The following FAM135B variants were observed in gnomAD, a reference collection of about 807,000 sequenced individuals.
The protein encoded by FAM135B is protein FAM135B.
In FAM135B, 43 loss-of-function variants were observed where a neutral mutation model predicts 127.7. The ratio of observed to expected loss-of-function variants is 0.34; its 90% CI spans 0.26 to 0.43. FAM135B has a LOEUF of 0.43. Ranked by LOEUF, FAM135B falls within the 20% of genes least tolerant of loss-of-function variation. The pLI is 1.00. For synonymous variants in FAM135B, 670 were observed against 665.1 expected, an observed-to-expected ratio of 1.01 and a Z score of -0.11; for missense variants, 1,558 against 1,725.6, an observed-to-expected ratio of 0.90 and a Z score of 1.72.
chr8:138,193,342 G>A (rs937196061), intron 9 of FAM135B, among the ~76,000 whole-genome samples: 2 of 152,190 alleles, frequency 1.3e-5, no homozygotes, highest in Non-Finnish European at 2.9e-5. Flanking sequence ...GGTGATGCTG[G>A]TGCTATGGTG....
At position 138,153,069 on chromosome 8, in the gene FAM135B, T is replaced by C. The variant is rs941587942; in HGVS notation, c.1406A>G (p.Gln469Arg). 6.2e-7 allele frequency: 1 copy of C among 1,614,100 alleles called. No individual in the cohort carries two copies. The highest frequency in any genetic ancestry group is 8.5e-7 in the Non-Finnish European group (1 of 1,180,040). ...DLVLSTIKPS[Q>R]MDSDEEVIRC... Reference sequence around the variant, plus strand: ...TATAACTTCTTCATCAGAATCCATTTGGGATGGTTTTATGGTAGACAAGAC... The same window carrying C: ...TATAACTTCTTCATCAGAATCCATTCGGGATGGTTTTATGGTAGACAAGAC... Residue 469 changes from glutamine (Q) to arginine (R), a missense_variant, in exon 13 of 20, where the codon CAA (glutamine) becomes CGA (arginine). By Grantham distance (43) the Gln-to-Arg change is conservative (BLOSUM62 1). Around this residue, in one of 5 missense-constraint regions of FAM135B, gnomAD observed 923 missense variants for 865.3 expected, o/e 1.07. Coordinates refer to ENST00000395297, the MANE Select transcript of FAM135B (RefSeq NM_015912.4).
intron 11 of FAM135B, among the ~76,000 whole-genome samples, chr8:138,173,301 T>C (rs1317913548): frequency 6.6e-6 from 1 of 152,164 alleles, no homozygotes; most frequent in Admixed American, 6.5e-5. Flanking sequence ...ACTTCTGTTT[T>C]AGAGGTTCAA....
rs1817812704 is a variant in FAM135B at position 138,207,726 on chromosome 8, T to A, written c.670-10057A>T. On this transcript the variant is annotated intron_variant, in intron 7 of 19. Coordinates refer to ENST00000395297, the MANE Select transcript of FAM135B (RefSeq NM_015912.4). ...CACGGAGGGACACCCATTAGCATAATAATCCTGGCCTTTCTCTGCCCATTT... is the reference window on the plus strand; with the variant it reads ...CACGGAGGGACACCCATTAGCATAAAAATCCTGGCCTTTCTCTGCCCATTT... Among the ~76,000 whole-genome samples, 4 of 152,284 alleles carry A rather than the reference T, an allele frequency of 2.6e-5. No individual in the cohort carries two copies. In the South Asian group the frequency reaches 6.2e-4, roughly 24 times the overall value.
intron 1 of FAM135B, among the ~76,000 whole-genome samples, chr8:138,472,865 C>T (rs924556932): frequency 1.3e-5 from 2 of 152,218 alleles, no homozygotes; most frequent in African/African-American, 4.8e-5. Flanking sequence ...AATGCAGATG[C>T]ATTGATTGAC....
intron 1 of FAM135B, among the ~76,000 whole-genome samples, chr8:138,423,131 AG>A (rs1172974228): frequency 6.6e-6 from 1 of 152,132 alleles, no homozygotes; most frequent in Non-Finnish European, 1.5e-5. Context: ...AGAGAGTGGG[AG>A]GGGGGTGAGG....
chr8:138,341,443 G>T (rs1829040300), intron 2 of FAM135B, among the ~76,000 whole-genome samples: 1 of 152,202 alleles, frequency 6.6e-6, no homozygotes, highest in Non-Finnish European at 1.5e-5. Flanking sequence ...AAAATAGTTA[G>T]TGTTTAGTGG....
At chr8:138,465,562 CCTCT>C (rs1452083625) in intron 1 of FAM135B, among the ~76,000 whole-genome samples, 7 of 152,168 alleles carry the variant, frequency 4.6e-5, no homozygotes, top group Non-Finnish European at 1.0e-4. Context: ...CATTCTTTGG[CCTCT>C]CTAAGTGTTT....
intron 1 of FAM135B, among the ~76,000 whole-genome samples, chr8:138,404,336 T>C (rs1200087691): frequency 6.6e-6 from 1 of 152,200 alleles, no homozygotes; most frequent in Non-Finnish European, 1.5e-5. Flanking sequence ...AATAATCATC[T>C]GAACCTTCAG....
chr8:138,243,146 G>C lies in FAM135B; in HGVS notation c.543-78C>G, dbSNP rs187161686. 2 of 1,504,446 alleles carry C rather than the reference G, an allele frequency of 1.3e-6. No individual in the cohort carries two copies. Among genetic ancestry groups the C allele is most frequent in the Admixed American group, 2.1e-5 (1 of 46,962 alleles). 93.2% of individuals were successfully genotyped at this position (1,504,446 alleles called of 1,614,324 possible). A position where few individuals can be genotyped will look rare whatever the true frequency, so the allele number is the denominator to read the frequency against. ...GCCATTAACTCAGCCCCTTTGAGGA[G>C]TGTTCCTGTGAAGCATTTGGGATAA... On this transcript the variant is annotated intron_variant, in intron 6 of 19. Coordinates refer to ENST00000395297, the MANE Select transcript of FAM135B (RefSeq NM_015912.4). This position sits in a 1 kb window ranked among gnomAD's most constrained non-coding sequence, Gnocchi z 7.5.
intron 1 of FAM135B, among the ~76,000 whole-genome samples, chr8:138,493,952 A>ACTATG (rs1815292097): frequency 1.3e-5 from 2 of 150,842 alleles, no homozygotes; most frequent in African/African-American, 5.0e-5. Flanking sequence ...TTTTTACTAT[A>ACTATG]CTGGAGCTGA....
At position 138,243,331 on chromosome 8, in the gene FAM135B, C is replaced by A. The variant is rs942896952; in HGVS notation, c.543-263G>T. Among the ~76,000 whole-genome samples, 2 of 152,288 alleles carry A rather than the reference C, an allele frequency of 1.3e-5. No individual in the cohort carries two copies. ...AAATGCCCACCCTAAATGCCAACAA[C>A]ATACCTGTAAGAAACACTGAAGCAG... is the stretch of plus-strand genomic sequence containing the variant. On this transcript the variant is annotated intron_variant, in intron 6 of 19. Transcript: ENST00000395297. This position sits in a 1 kb window ranked among gnomAD's most constrained non-coding sequence, Gnocchi z 7.5.
intron 12 of FAM135B, among the ~76,000 whole-genome samples, chr8:138,161,451 A>T (rs1368749919): frequency 6.6e-6 from 1 of 152,162 alleles, no homozygotes; most frequent in Non-Finnish European, 1.5e-5. Flanking sequence ...CATGGCTGTC[A>T]TGAAATAGTC....
At chr8:138,186,918 C>G (rs1251521804) in intron 9 of FAM135B, among the ~76,000 whole-genome samples, 1 of 152,176 alleles carries the variant, frequency 6.6e-6, no homozygotes, top group Non-Finnish European at 1.5e-5. Flanking sequence ...GGGCCCACCC[C>G]TTGGTGATTC....
chr8:138,447,618 C>T (rs898826097), intron 1 of FAM135B, among the ~76,000 whole-genome samples: 3 of 147,376 alleles, frequency 2.0e-5, no homozygotes, highest in Non-Finnish European at 3.0e-5. Flanking sequence ...AACACTTGTA[C>T]ACAGGAAGGG....
intron 1 of FAM135B, among the ~76,000 whole-genome samples, chr8:138,401,242 C>T (rs915658463): frequency 4.6e-5 from 7 of 152,178 alleles, no homozygotes; most frequent in African/African-American, 1.7e-4. Context: ...TGCAGAATGT[C>T]TCCCTAGCTC....
intron 9 of FAM135B, among the ~76,000 whole-genome samples, chr8:138,188,106 G>A (rs2131056577): frequency 6.6e-6 from 1 of 152,202 alleles, no homozygotes; most frequent in East Asian, 1.9e-4. Context: ...CTACAGGTGA[G>A]AGGTCTCTGC....
intron 1 of FAM135B, among the ~76,000 whole-genome samples, chr8:138,426,022 T>TATATAC (rs1454221053): frequency 5.5e-5 from 1 of 18,326 alleles, no homozygotes; most frequent in Admixed American, 4.3e-4. Context: ...TACACACACA[T>TATATAC]ACATATACAC....
chr8:138,291,388 T>C (rs1489457816), intron 3 of FAM135B, among the ~76,000 whole-genome samples: 1 of 152,190 alleles, frequency 6.6e-6, no homozygotes, highest in Non-Finnish European at 1.5e-5. Flanking sequence ...ATTTCGATCC[T>C]TCTCAAACTC....
chr8:138,314,242 T>C (rs1252447090), intron 2 of FAM135B, among the ~76,000 whole-genome samples: 2 of 152,162 alleles, frequency 1.3e-5, no homozygotes, highest in Non-Finnish European at 2.9e-5. Context: ...TATTTATTGA[T>C]CAGTTTGGCA....
Sources: gnomAD v4.1 joint callset for allele counts (sites outside exome capture counted in the v4.1 genomes callset) on GRCh38, gnomAD v4.1.1 for gene constraint, gnomAD v4.1.1 regional missense constraint, Gnocchi (gnomAD v3.1) non-coding constraint, MANE v1.5 for transcripts, NCBI Gene and HGNC (gene_info 2026-07-23, HGNC 2026-07-21) for gene names.